SECISBP2L: variants seen among roughly 807,000 people sequenced by gnomAD.
SECISBP2L encodes selenocysteine insertion sequence-binding protein 2-like.
Under a neutral mutation model 114.7 loss-of-function variants are expected in SECISBP2L, and 43 were observed. That is an observed-to-expected ratio of 0.38 (90% CI 0.29 to 0.48). The LOEUF is 0.48. Among genes scored for constraint, SECISBP2L ranks in the 20% least tolerant of loss-of-function variants. SECISBP2L has a pLI of 0.98. For missense variants in SECISBP2L, 1,136 were observed against 1,301.1 expected (o/e 0.87, Z 1.95); for synonymous variants, 451 against 439.7 (o/e 1.03, Z -0.32).
intron 1 of SECISBP2L, among the ~76,000 whole-genome samples, chr15:49,039,756 C>G (rs1267156808): frequency 1.3e-5 from 2 of 151,904 alleles, no homozygotes; most frequent in Non-Finnish European, 2.9e-5. Flanking sequence ...TCTTGAACTC[C>G]TGGGCTCAAG....
chr15:48,992,986 T>C, intron 17 of SECISBP2L, 60 bp from the exon 18 acceptor site: 12 of 1,380,804 alleles, frequency 8.7e-6, no homozygotes, highest in Non-Finnish European at 1.2e-5. Flanking sequence ...CATGCAACTC[T>C]TTAAAAACCC....
chr15:48,994,376 G>A (rs1902046845), intron 17 of SECISBP2L, among the ~76,000 whole-genome samples: 1 of 152,048 alleles, frequency 6.6e-6, no homozygotes, highest in Non-Finnish European at 1.5e-5. Flanking sequence ...CCGGTTTTGT[G>A]AACTGATTAT....
At chr15:49,032,494 T>C (rs1252062685) in intron 4 of SECISBP2L, among the ~76,000 whole-genome samples, 3 of 152,238 alleles carry the variant, frequency 2.0e-5, no homozygotes, top group African/African-American at 7.2e-5. Context: ...CTTGTACTTG[T>C]TTAACAGGAT....
Position 49,027,461 on chromosome 15 carries a change from A to G in SECISBP2L, c.939T>C (p.Asn313=), listed in dbSNP as rs1323197755. ...TTTTCTGAGTTGCCTGGCAAGTTAC[A>G]TTGGACCAATTTACACCACCTATAA... ...SMCAGGVNWS[N]VTCQATQKKP... The change falls in exon 7 of 18, where the codon AAT becomes AAC. Residue 313 remains asparagine, a synonymous_variant. Coordinates refer to ENST00000559471, the MANE Select transcript of SECISBP2L (RefSeq NM_001193489.2). 6.2e-7 allele frequency: 1 copy of G among 1,608,004 alleles called. No individual in the cohort carries two copies. Among genetic ancestry groups the G allele is most frequent in the Non-Finnish European group, 8.5e-7 (1 of 1,175,732 alleles).
At chr15:49,021,067 G>A (rs573033006) in intron 7 of SECISBP2L, among the ~76,000 whole-genome samples, 6 of 152,030 alleles carry the variant, frequency 3.9e-5, no homozygotes, top group African/African-American at 1.2e-4. Flanking sequence ...CCTTTGGGAG[G>A]TGATTAAGTT....
intron 17 of SECISBP2L, 145 bp from the exon 18 acceptor site, chr15:48,993,071 T>G: frequency 1.5e-6 from 1 of 677,774 alleles, no homozygotes; most frequent in Non-Finnish European, 2.5e-6. Context: ...AAATTTAGTT[T>G]ATTTAGTACT....
rs199902044 is a variant in SECISBP2L at position 49,029,381 on chromosome 15, A to ATT, written c.665-701_665-700dup. 2.6e-5 allele frequency among the ~76,000 whole-genome samples: 4 copies of ATT among 152,194 alleles called. No individual in the cohort carries two copies. In the East Asian group the frequency reaches 5.8e-4, roughly 22 times the overall value. ...TTACGCATTTGCCATGGATTTCTGT[A>ATT]TTTCTAAAACCTAAATCATATAATT... On this transcript the variant is annotated intron_variant, in intron 4 of 17. Coordinates refer to ENST00000559471, the MANE Select transcript of SECISBP2L (RefSeq NM_001193489.2).
chr15:49,021,835 T>A (rs1315812628), intron 7 of SECISBP2L, among the ~76,000 whole-genome samples: 2 of 152,154 alleles, frequency 1.3e-5, no homozygotes, highest in East Asian at 1.9e-4. Context: ...AATAAACTCA[T>A]GAATGAATCA....
At chr15:49,036,287 A>G (rs1903004437) in intron 2 of SECISBP2L, among the ~76,000 whole-genome samples, 1 of 152,176 alleles carries the variant, frequency 6.6e-6, no homozygotes, top group South Asian at 2.1e-4. Flanking sequence ...CTTCTAATGC[A>G]GTTCATATAA....
chr15:48,993,015 C>A, intron 17 of SECISBP2L, 89 bp from the exon 18 acceptor site: 1 of 1,136,710 alleles, frequency 8.8e-7, no homozygotes, highest in Non-Finnish European at 1.3e-6. Context: ...GAAAGAACAA[C>A]AAAATATATA....
At chr15:49,004,575 A>G (rs1207304711) in intron 14 of SECISBP2L, among the ~76,000 whole-genome samples, 1 of 152,216 alleles carries the variant, frequency 6.6e-6, no homozygotes, top group Non-Finnish European at 1.5e-5. Flanking sequence ...TTTTAGTGCT[A>G]TAAATTTCCC....
chr15:48,995,964 G>A (rs1258460553), intron 17 of SECISBP2L: 1 of 166,832 alleles, frequency 6.0e-6, no homozygotes, highest in African/African-American at 2.4e-5. Context: ...GCAGAACAAA[G>A]AGATTGATCT....
chr15:49,001,348 T>G (rs1470391069), intron 14 of SECISBP2L, among the ~76,000 whole-genome samples: 1 of 152,190 alleles, frequency 6.6e-6, no homozygotes, highest in African/African-American at 2.4e-5. Context: ...TTGCTTTTAT[T>G]ATGATACTGG....
At position 49,035,562 on chromosome 15, in the gene SECISBP2L, C is replaced by A. The variant is rs375212699; in HGVS notation, c.300G>T (p.Pro100=). 1.9e-6 allele frequency: 3 copies of A among 1,614,146 alleles called. No homozygotes were observed. Among genetic ancestry groups the A allele is most frequent in the African/African-American group, 1.3e-5 (1 of 75,044 alleles). The change falls in exon 3 of 18, where the codon CCG becomes CCT. Residue 100 remains proline, a synonymous_variant. Coordinates refer to ENST00000559471, the MANE Select transcript of SECISBP2L (RefSeq NM_001193489.2). ...YFAYPIISAQ[P]PVSTEYTYYQ... ...AATATGTATACTCTGTAGAAACAGG[C>A]GGCTGAGCAGATATAATGGGATAGG...
rs991164085 is a variant in SECISBP2L at position 49,046,264 on chromosome 15, A to C, written c.24+12T>G. ...ACCCCCGGCTCGGCGGGCCCAGCCCAAACCCGCGTACCTGCTCCGTGGGGG... is the reference window on the plus strand; with the variant it reads ...ACCCCCGGCTCGGCGGGCCCAGCCCCAACCCGCGTACCTGCTCCGTGGGGG... On this transcript the variant is annotated intron_variant, in intron 1 of 17. Transcript: ENST00000559471. The C allele has an allele frequency of 6.4e-7, 1 of 1,561,868 alleles. No homozygotes were observed. The highest frequency in any genetic ancestry group is 8.6e-7 in the Non-Finnish European group (1 of 1,156,878).
At chr15:49,031,446 A>T (rs951585352) in intron 4 of SECISBP2L, among the ~76,000 whole-genome samples, 2 of 151,946 alleles carry the variant, frequency 1.3e-5, no homozygotes, top group East Asian at 1.9e-4. Flanking sequence ...TCTTTTTTTT[A>T]AATTTTGTGG....
intron 1 of SECISBP2L, among the ~76,000 whole-genome samples, chr15:49,044,196 G>A (rs976723288): frequency 6.6e-6 from 1 of 152,168 alleles, no homozygotes; most frequent in Admixed American, 6.5e-5. Context: ...AATGGAAATT[G>A]ACACATATTA....
chr15:49,017,193 G>C, intron 9 of SECISBP2L, 178 bp from the exon 10 acceptor site: 2 of 632,938 alleles, frequency 3.2e-6, no homozygotes, highest in Non-Finnish European at 5.2e-6. Flanking sequence ...AATAATAAAG[G>C]GACAAAACAG....
At chr15:49,031,871 T>C (rs910013709) in intron 4 of SECISBP2L, among the ~76,000 whole-genome samples, 1 of 152,112 alleles carries the variant, frequency 6.6e-6, no homozygotes, top group African/African-American at 2.4e-5. Flanking sequence ...TAAAAGCACA[T>C]AGAAATGGGT....
Sources: gnomAD v4.1 joint callset for allele counts (sites outside exome capture counted in the v4.1 genomes callset) on GRCh38, gnomAD v4.1.1 for gene constraint, MANE v1.5 for transcripts, NCBI Gene and HGNC (gene_info 2026-07-23, HGNC 2026-07-21) for gene names.